KLHL3: variants seen among roughly 807,000 people sequenced by gnomAD.
KLHL3 encodes the protein kelch-like protein 3.
KLHL3 carries 19 observed loss-of-function variants against 70.5 expected under a neutral mutation model. The observed-to-expected ratio is 0.27, with a 90% CI of 0.19 to 0.40. The LOEUF (loss-of-function observed/expected upper bound fraction) is 0.40. KLHL3 is among the 10% of genes least tolerant of loss of function. The probability of loss-of-function intolerance (pLI) is 1.00; values close to 1 mark genes in which losing one functional copy is unlikely to be tolerated. For missense variants in KLHL3, 512 were observed against 771.1 expected, an observed-to-expected ratio of 0.66 and a Z score of 3.98; for synonymous variants, 258 against 290.3, an observed-to-expected ratio of 0.89 and a Z score of 1.13.
chr5:137,694,515 G>A (rs1348162928), intron 4 of KLHL3, among the ~76,000 whole-genome samples: 1 of 152,050 alleles, frequency 6.6e-6, no homozygotes, highest in African/African-American at 2.4e-5. Flanking sequence ...TGCTCAGCCC[G>A]GCCGAACAGA....
chr5:137,721,676 C>T (rs748820621), intron 1 of KLHL3, among the ~76,000 whole-genome samples: 1 of 152,216 alleles, frequency 6.6e-6, no homozygotes, highest in Non-Finnish European at 1.5e-5. Flanking sequence ...TATGGTGGCT[C>T]ATGCCTGTAG....
Position 137,696,991 on chromosome 5 carries a change from T to G in KLHL3, c.363+1296A>C, listed in dbSNP as rs543689791. Among the ~76,000 whole-genome samples the G allele has an allele frequency of 2.0e-5, 3 of 152,210 alleles. No individual in the cohort carries two copies. In the South Asian group the frequency reaches 6.2e-4, roughly 32 times the overall value. On this transcript the variant is annotated intron_variant, in intron 4 of 14. Transcript: ENST00000309755. ...AACCAAGCCCCAGATCTCTGACCCTTGTTTCTAAGGCTTTCAGGAAAGCCC... is the reference window on the plus strand; with the variant it reads ...AACCAAGCCCCAGATCTCTGACCCTGGTTTCTAAGGCTTTCAGGAAAGCCC...
chr5:137,706,373 G>A (rs1752685987), intron 3 of KLHL3: 1 of 985,192 alleles, frequency 1.0e-6, no homozygotes, highest in Admixed American at 6.1e-5. Flanking sequence ...TGTTACTGGA[G>A]ATTTTTAGTA....
intron 6 of KLHL3, among the ~76,000 whole-genome samples, chr5:137,676,490 C>A (rs1323025796): frequency 6.6e-6 from 1 of 152,102 alleles, no homozygotes; most frequent in African/African-American, 2.4e-5. Context: ...CAGCTCAGAA[C>A]TAAATATGTA....
At position 137,736,048 on chromosome 5, in the gene KLHL3, G is replaced by A. The variant is rs774532097; in HGVS notation, c.-402C>T. ...CATCCCCAGCCCAGGCGATTAGCCC[G>A]CCCCTGGGGCTCCTGCCTCCTCTGT... On this transcript the variant is annotated 5_prime_UTR_variant, in exon 1 of 15. Transcript: ENST00000309755. 1.8e-4 allele frequency: 60 copies of A among 336,602 alleles called. No homozygotes were observed. The highest frequency in any genetic ancestry group is 3.0e-4 in the Admixed American group (8 of 26,268). 20.9% of individuals were successfully genotyped at this position (336,602 alleles called of 1,614,324 possible). A position where few individuals can be genotyped will look rare whatever the true frequency, so the allele number is the denominator to read the frequency against.
intron 1 of KLHL3, among the ~76,000 whole-genome samples, chr5:137,732,726 G>A (rs1561623614): frequency 6.6e-6 from 1 of 152,156 alleles, no homozygotes; most frequent in Non-Finnish European, 1.5e-5. Context: ...GGATACCAAT[G>A]ATAATAGCAA....
intron 3 of KLHL3, among the ~76,000 whole-genome samples, chr5:137,708,429 G>A (rs529616273): frequency 8.5e-5 from 13 of 152,270 alleles, no homozygotes; most frequent in African/African-American, 2.4e-4. Context: ...CTTATTCACC[G>A]CCTCCTGTGG....
At chr5:137,722,049 T>C (rs764708067) in intron 1 of KLHL3, among the ~76,000 whole-genome samples, 1 of 152,196 alleles carries the variant, frequency 6.6e-6, no homozygotes, top group African/African-American at 2.4e-5. Flanking sequence ...CTTGTATAGA[T>C]TTGAGGACCC....
intron 8 of KLHL3, among the ~76,000 whole-genome samples, chr5:137,651,492 C>A (rs1751200024): frequency 6.6e-6 from 1 of 152,060 alleles, no homozygotes; most frequent in South Asian, 2.1e-4. Context: ...AATAAAATAC[C>A]CAGGGATAGA....
chr5:137,691,950 C>T (rs181623565), intron 5 of KLHL3, among the ~76,000 whole-genome samples: 47 of 152,200 alleles, frequency 3.1e-4, no homozygotes, highest in African/African-American at 1.1e-3. Context: ...GTTTATGGAA[C>T]GCTCAGATAA....
In KLHL3 at chr5:137,618,743, C is replaced by T. The variant is rs1453460417; in HGVS notation, c.*3355G>A. 4.1e-5 allele frequency: 6 copies of T among 146,838 alleles called. No homozygotes were observed. The highest frequency in any genetic ancestry group is 1.3e-4 in the African/African-American group (5 of 39,034). 9.1% of individuals were successfully genotyped at this position (146,838 alleles called of 1,614,324 possible). A position where few individuals can be genotyped will look rare whatever the true frequency, so the allele number is the denominator to read the frequency against. On this transcript the variant is annotated 3_prime_UTR_variant, in exon 15 of 15. Coordinates refer to ENST00000309755, the MANE Select transcript of KLHL3 (RefSeq NM_017415.3). Reference sequence around the variant, plus strand: ...CCACGAGACAGCCCGGCCTCACCCCCACAGAAAGCAGACTCCAAAAAAAAA... The same window carrying T: ...CCACGAGACAGCCCGGCCTCACCCCTACAGAAAGCAGACTCCAAAAAAAAA...
At position 137,698,362 on chromosome 5, in the gene KLHL3, C is replaced by T. The variant is rs1207966767; in HGVS notation, c.288G>A (p.Val96=). ...TCAGCTTACTCAGCGTCTGCCCATCCACGTCCTTGATTTCTATCTTTTTGG... is the reference window on the plus strand; with the variant it reads ...TCAGCTTACTCAGCGTCTGCCCATCTACGTCCTTGATTTCTATCTTTTTGG... The part of the protein sequence containing the change: ...SKAKKIEIKD[V]DGQTLSKLID... Residue 96 remains valine, a synonymous_variant, in exon 4 of 15, where the codon GTG becomes GTA. Coordinates refer to ENST00000309755, the MANE Select transcript of KLHL3 (RefSeq NM_017415.3). 1 of 1,614,190 alleles carries T rather than the reference C, an allele frequency of 6.2e-7. No individual in the cohort carries two copies. The highest frequency in any genetic ancestry group is 2.2e-5 in the East Asian group (1 of 44,892).
intron 8 of KLHL3, among the ~76,000 whole-genome samples, chr5:137,653,570 TAGAATG>T (rs1448816096): frequency 6.6e-6 from 1 of 152,190 alleles, no homozygotes; most frequent in African/African-American, 2.4e-5. Flanking sequence ...ACAGACCTAC[TAGAATG>T]GCTACAATTT....
At chr5:137,666,982 A>G (rs939969061) in intron 6 of KLHL3, among the ~76,000 whole-genome samples, 10 of 152,312 alleles carry the variant, frequency 6.6e-5, no homozygotes, top group Non-Finnish European at 1.3e-4. Flanking sequence ...TTGGTTACAT[A>G]CAAAACCAAC....
At position 137,618,215 on chromosome 5, in the gene KLHL3, A is replaced by G. The variant is rs1190475399; in HGVS notation, c.*3883T>C. 2.6e-5 allele frequency: 4 copies of G among 152,574 alleles called. No homozygotes were observed. Among genetic ancestry groups the G allele is most frequent in the African/African-American group, 9.7e-5 (4 of 41,412 alleles). The allele number at this position is 152,574 out of a possible 1,614,324, so 9.5% of individuals were successfully genotyped here. A position where few individuals can be genotyped will look rare whatever the true frequency, so the allele number is the denominator to read the frequency against. ...TCTAACCTCCTTGCTTCTCCAGGCA[A>G]ACAGAGCCTTTAAAAACTCCAACTA... On this transcript the variant is annotated 3_prime_UTR_variant, in exon 15 of 15. Transcript: ENST00000309755.
At chr5:137,674,417 T>C (rs1751836165) in intron 6 of KLHL3, among the ~76,000 whole-genome samples, 1 of 152,200 alleles carries the variant, frequency 6.6e-6, no homozygotes, top group Admixed American at 6.5e-5. Context: ...ACTGAGCCCC[T>C]CTGACTGTAG....
At chr5:137,728,481 C>A (rs1017486539) in intron 1 of KLHL3, among the ~76,000 whole-genome samples, 23 of 152,126 alleles carry the variant, frequency 1.5e-4, no homozygotes, top group African/African-American at 5.6e-4. Context: ...ACCTCACGTT[C>A]AGAGAGGAGT....
intron 10 of KLHL3, among the ~76,000 whole-genome samples, chr5:137,638,398 G>A (rs546057599): frequency 6.6e-6 from 1 of 152,350 alleles, no homozygotes; most frequent in African/African-American, 2.4e-5. Flanking sequence ...AAGCAGAGAT[G>A]AGATCACCTC....
At chr5:137,701,862 C>A (rs1009875395) in intron 3 of KLHL3, among the ~76,000 whole-genome samples, 1 of 152,246 alleles carries the variant, frequency 6.6e-6, no homozygotes. Context: ...GAGGCCCAGA[C>A]AGCCACCTCA....
Sources: allele counts gnomAD v4.1 joint callset (sites outside exome capture counted in the v4.1 genomes callset), GRCh38; gene constraint gnomAD v4.1.1; transcripts MANE v1.5; gene names NCBI Gene and HGNC (gene_info 2026-07-23, HGNC 2026-07-21).